Variants in CD2AP observed in about 807,000 individuals in gnomAD.
CD2AP encodes CD2-associated protein.
Under a neutral mutation model 85.1 loss-of-function variants are expected in CD2AP, and 46 were observed. The ratio of observed to expected loss-of-function variants is 0.54; its 90% CI spans 0.43 to 0.69. CD2AP has a LOEUF of 0.69. Ranked by LOEUF, CD2AP falls within the 30% of genes least tolerant of loss-of-function variation. The pLI, the probability that CD2AP is intolerant of heterozygous loss-of-function variation, is 0.00. For missense variants in CD2AP, 769 were observed against 729.5 expected (o/e 1.05, Z -0.62); for synonymous variants, 255 against 252.9 (o/e 1.01, Z -0.08).
chr6:47,504,835 G>T (rs181719212), intron 2 of CD2AP, among the ~76,000 whole-genome samples: 3 of 151,822 alleles, frequency 2.0e-5, no homozygotes, highest in Admixed American at 2.0e-4. Flanking sequence ...GAGTGCAATC[G>T]CATTATATTA....
rs772479408 is a variant in CD2AP at position 47,580,894 on chromosome 6, G to C, written c.1039G>C (p.Ala347Pro). Residue 347 changes from alanine to proline, a missense_variant, in exon 10 of 18, where the codon GCT (alanine) becomes CCT (proline). Transcript: ENST00000359314. Reference protein sequence around the residue: ...KPKKPPPPAKAPAPKPELIAA... With the variant: ...KPKKPPPPAKPPAPKPELIAA... ...AAAGAAACCACCACCTCCTGCTAAG[G>C]CTCCAGGTATGTAAGAAGCATATTA... The C allele has an allele frequency of 5.6e-6, 9 of 1,605,338 alleles. No homozygotes were observed. Among genetic ancestry groups the C allele is most frequent in the Non-Finnish European group, 7.7e-6 (9 of 1,172,490 alleles).
intron 4 of CD2AP, among the ~76,000 whole-genome samples, chr6:47,546,929 T>A (rs555058789): frequency 6.6e-6 from 1 of 152,246 alleles, no homozygotes; most frequent in East Asian, 1.9e-4. Context: ...AAAACTTAGC[T>A]TCATAAATGA....
chr6:47,569,575 A>C (rs776007901), intron 5 of CD2AP, among the ~76,000 whole-genome samples: 2 of 151,788 alleles, frequency 1.3e-5, no homozygotes, highest in Non-Finnish European at 2.9e-5. Flanking sequence ...ACATTTAAGA[A>C]ACCCTGATGG....
At chr6:47,620,834 A>G (rs929051874) in intron 17 of CD2AP, among the ~76,000 whole-genome samples, 21 of 151,926 alleles carry the variant, frequency 1.4e-4, no homozygotes, top group Admixed American at 9.8e-4. Flanking sequence ...TGAGTTCTTG[A>G]TTTGATTCTC....
At position 47,515,440 on chromosome 6, in the gene CD2AP, C is replaced by T. The variant is rs146166806; in HGVS notation, c.165+12000C>T. 7.9e-5 allele frequency among the ~76,000 whole-genome samples: 12 copies of T among 152,250 alleles called. No individual in the cohort carries two copies. The East Asian group carries it at 2.3e-3, about 29-fold the overall frequency. On this transcript the variant is annotated intron_variant, in intron 2 of 17. Transcript: ENST00000359314. ...ATAACACTTTATATCTGTATGAATACTTTGCATATTCACATACGTTATCTC... is the reference window on the plus strand; with the variant it reads ...ATAACACTTTATATCTGTATGAATATTTTGCATATTCACATACGTTATCTC...
chr6:47,501,356 A>G (rs1056420553), intron 1 of CD2AP, among the ~76,000 whole-genome samples: 1 of 152,230 alleles, frequency 6.6e-6, no homozygotes, highest in African/African-American at 2.4e-5. Flanking sequence ...TTTGGCAGTT[A>G]GATATCCTGG....
At position 47,478,260 on chromosome 6, in the gene CD2AP, G is replaced by A; in HGVS notation, c.4+12G>A. On this transcript the variant is annotated intron_variant, in intron 1 of 17. Transcript: ENST00000359314. ...AGCCCCCAGCATGGGTAAGAGACTC[G>A]GGCGCTTCCCGCCGCCCGTCCGGAC... 1 of 1,570,164 alleles carries A rather than the reference G, an allele frequency of 6.4e-7. No individual in the cohort carries two copies. The highest frequency in any genetic ancestry group is 1.7e-4 in the Middle Eastern group (1 of 6,002).
chr6:47,512,090 G>A (rs148444148), intron 2 of CD2AP, among the ~76,000 whole-genome samples: 2,376 of 152,136 alleles, frequency 0.016, 44 homozygotes, highest in African/African-American at 0.038. Flanking sequence ...GCCGGGAGGC[G>A]GAGCTTGCAG....
chr6:47,615,804 T>A (rs534930446), intron 17 of CD2AP, among the ~76,000 whole-genome samples: 2,498 of 146,076 alleles, frequency 0.017, 51 homozygotes, highest in African/African-American at 0.044. Flanking sequence ...TTTATTTATT[T>A]ATTTATTTAT....
Position 47,478,069 on chromosome 6 carries a change from G to T in CD2AP, c.-176G>T. Reference sequence around the variant, plus strand: ...TCTGCCTCGAGGGCCGCGCTGAAGAGACTGGTAGGAGAGCGCCGCGGGCGG... The same window carrying T: ...TCTGCCTCGAGGGCCGCGCTGAAGATACTGGTAGGAGAGCGCCGCGGGCGG... On this transcript the variant is annotated 5_prime_UTR_variant, in exon 1 of 18. Transcript: ENST00000359314. 1 of 791,298 alleles carries T rather than the reference G, an allele frequency of 1.3e-6. No individual in the cohort carries two copies. Among genetic ancestry groups the T allele is most frequent in the Non-Finnish European group, 2.1e-6 (1 of 481,618 alleles). 49.0% of individuals were successfully genotyped at this position (791,298 alleles called of 1,614,324 possible). A position where few individuals can be genotyped will look rare whatever the true frequency, so the allele number is the denominator to read the frequency against.
rs147254896 is a variant in CD2AP at position 47,595,940 on chromosome 6, C to T, written c.1188C>T (p.Thr396=). 65 of 1,612,536 alleles carry T rather than the reference C, an allele frequency of 4.0e-5. No homozygotes were observed. In the African/African-American group the frequency reaches 6.0e-4, roughly 15 times the overall value. Residue 396 remains threonine (T), a synonymous_variant, in exon 12 of 18, where the codon ACC becomes ACT. Coordinates refer to ENST00000359314, the MANE Select transcript of CD2AP (RefSeq NM_012120.3). The part of the protein sequence containing the change: ...QVPPKKPTPP[T]KASNLLRSSG... Reference sequence around the variant, plus strand: ...CACCCAAGAAACCTACTCCACCTACCAAAGCCAGTAATTTACTGAGATCTT... The same window carrying T: ...CACCCAAGAAACCTACTCCACCTACTAAAGCCAGTAATTTACTGAGATCTT...
At chr6:47,522,958 A>T (rs1423023681) in intron 2 of CD2AP, among the ~76,000 whole-genome samples, 1 of 151,998 alleles carries the variant, frequency 6.6e-6, no homozygotes, top group African/African-American at 2.4e-5. Flanking sequence ...TTAGAAAAAA[A>T]TTCTTTTTTT....
intron 1 of CD2AP, among the ~76,000 whole-genome samples, chr6:47,490,988 T>C (rs1386597796): frequency 2.0e-5 from 3 of 152,136 alleles, no homozygotes; most frequent in South Asian, 2.1e-4. Flanking sequence ...ATTTCTAATA[T>C]ATAATTAAAA....
At chr6:47,571,898 T>TA (rs781780992) in intron 5 of CD2AP, among the ~76,000 whole-genome samples, 8 of 152,054 alleles carry the variant, frequency 5.3e-5, no homozygotes, top group Non-Finnish European at 7.4e-5. Context: ...GCAAATAACT[T>TA]ACCTGCTTGC....
chr6:47,561,600 T>TA (rs1238052972), intron 5 of CD2AP, among the ~76,000 whole-genome samples: 2 of 152,124 alleles, frequency 1.3e-5, no homozygotes, highest in African/African-American at 4.8e-5. Context: ...TACATGCACA[T>TA]ACAATCCCAT....
chr6:47,522,708 G>C (rs1454131463), intron 2 of CD2AP, among the ~76,000 whole-genome samples: 1 of 151,776 alleles, frequency 6.6e-6, no homozygotes, highest in African/African-American at 2.4e-5. Flanking sequence ...TAAATTTCTA[G>C]CAATTTTTTT....
In CD2AP at chr6:47,624,414, G is replaced by A; in HGVS notation, c.*187G>A. ...ATATATTTTGTTTTGCCAATATGAAGAAAAAGAGGCCTTATTTCTTAACTG... is the reference window on the plus strand; with the variant it reads ...ATATATTTTGTTTTGCCAATATGAAAAAAAAGAGGCCTTATTTCTTAACTG... On this transcript the variant is annotated 3_prime_UTR_variant, in exon 18 of 18. Coordinates refer to ENST00000359314, the MANE Select transcript of CD2AP (RefSeq NM_012120.3). 2 of 564,890 alleles carry A rather than the reference G, an allele frequency of 3.5e-6. No homozygotes were observed. The highest frequency in any genetic ancestry group is 6.4e-5 in the Admixed American group (2 of 31,390). The allele number at this position is 564,890 out of a possible 1,614,324, so 35.0% of individuals were successfully genotyped here.
chr6:47,518,836 A>G (rs1247607642), intron 2 of CD2AP, among the ~76,000 whole-genome samples: 1 of 152,164 alleles, frequency 6.6e-6, no homozygotes, highest in East Asian at 1.9e-4. Flanking sequence ...TTTCAGTTTT[A>G]TTTAGATAGT....
chr6:47,607,279 C>T (rs1769302869), intron 14 of CD2AP, among the ~76,000 whole-genome samples: 1 of 152,064 alleles, frequency 6.6e-6, no homozygotes, highest in Non-Finnish European at 1.5e-5. Context: ...CATGGGAGTG[C>T]AGATATCCCT....
Sources: gnomAD v4.1 joint callset for allele counts (sites outside exome capture counted in the v4.1 genomes callset) on GRCh38, gnomAD v4.1.1 for gene constraint, MANE v1.5 for transcripts, NCBI Gene and HGNC (gene_info 2026-07-23, HGNC 2026-07-21) for gene names.